Variants in CSMD1 observed in about 807,000 individuals in gnomAD.
CSMD1 encodes the protein CUB and Sushi multiple domains 1.
CSMD1 carries 213 observed loss-of-function variants against 417.5 expected under a neutral mutation model. The ratio of observed to expected loss-of-function variants is 0.51; its 90% CI spans 0.46 to 0.57. The LOEUF is 0.57. Ranked by LOEUF, CSMD1 falls within the 20% of genes least tolerant of loss-of-function variation. CSMD1 has a pLI of 0.00. For synonymous variants in CSMD1, 2,862 were observed against 1,736.8 expected, an observed-to-expected ratio of 1.65 and a Z score of -16.11; for missense variants, 6,923 against 4,529.7, an observed-to-expected ratio of 1.53 and a Z score of -15.17.
intron 5 of CSMD1, among the ~76,000 whole-genome samples, chr8:3,957,941 C>G (rs1812077318): frequency 6.6e-6 from 1 of 152,100 alleles, no homozygotes; most frequent in Admixed American, 6.5e-5. Context: ...GCAGCAAATC[C>G]TGCAGGGTAT....
chr8:4,695,696 AG>A (rs1807083235), intron 1 of CSMD1, among the ~76,000 whole-genome samples: 1 of 152,106 alleles, frequency 6.6e-6, no homozygotes, highest in Non-Finnish European at 1.5e-5. Context: ...TATCACTCAA[AG>A]GTCAGTTTAC....
intron 8 of CSMD1, among the ~76,000 whole-genome samples, chr8:3,600,931 TAG>T (rs1472606454): frequency 6.6e-6 from 1 of 152,182 alleles, no homozygotes; most frequent in African/African-American, 2.4e-5. Context: ...AAAATGTGGA[TAG>T]AGAGGAAGGA....
chr8:3,566,980 G>A (rs1366016598), intron 10 of CSMD1, among the ~76,000 whole-genome samples: 1 of 152,210 alleles, frequency 6.6e-6, no homozygotes, highest in African/African-American at 2.4e-5. Flanking sequence ...GCAGGTATAA[G>A]TTCATTGCAG....
chr8:4,773,564 C>T (rs1335033808), intron 1 of CSMD1, among the ~76,000 whole-genome samples: 3 of 152,184 alleles, frequency 2.0e-5, no homozygotes, highest in Admixed American at 6.5e-5. Context: ...TACTTTCACA[C>T]TGAATCCTCC....
intron 1 of CSMD1, among the ~76,000 whole-genome samples, chr8:4,894,131 G>C (rs1016713290): frequency 2.9e-4 from 44 of 151,886 alleles, no homozygotes; most frequent in Admixed American, 2.4e-3. Context: ...CCATACATTT[G>C]AAAAATTATC....
intron 15 of CSMD1, among the ~76,000 whole-genome samples, chr8:3,404,334 CAAAA>C (rs60637061): frequency 2.0e-3 from 277 of 140,636 alleles, no homozygotes; most frequent in Middle Eastern, 7.4e-3. Flanking sequence ...GACGCTATCT[CAAAA>C]AAAAAAAAAA....
At chr8:4,758,612 A>G (rs1332297981) in intron 1 of CSMD1, among the ~76,000 whole-genome samples, 5 of 152,222 alleles carry the variant, frequency 3.3e-5, no homozygotes, top group African/African-American at 1.2e-4. Flanking sequence ...AAAGATGTTT[A>G]ATTGACTCAG....
chr8:4,375,908 G>T (rs1388157296), intron 3 of CSMD1, among the ~76,000 whole-genome samples: 3 of 152,154 alleles, frequency 2.0e-5, no homozygotes, highest in African/African-American at 7.2e-5. Flanking sequence ...TCAGGATACG[G>T]CCACCACCTC....
chr8:4,284,349 C>A (rs143481374), intron 3 of CSMD1, among the ~76,000 whole-genome samples: 1 of 151,808 alleles, frequency 6.6e-6, no homozygotes, highest in Non-Finnish European at 1.5e-5. Context: ...GCCTGGGGGA[C>A]AAGAGAGAAA....
intron 26 of CSMD1, among the ~76,000 whole-genome samples, chr8:3,267,050 G>C (rs2117125025): frequency 6.6e-6 from 1 of 152,262 alleles, no homozygotes; most frequent in African/African-American, 2.4e-5. Flanking sequence ...AGAGACTTGA[G>C]CATATTTACA....
chr8:3,411,471 G>C (rs1313851355), intron 12 of CSMD1, among the ~76,000 whole-genome samples: 1 of 151,750 alleles, frequency 6.6e-6, no homozygotes, highest in East Asian at 2.0e-4. Context: ...GAGTCCCCAA[G>C]GTCCATTTTA....
chr8:4,812,786 T>C (rs1220751183), intron 1 of CSMD1, among the ~76,000 whole-genome samples: 1 of 152,242 alleles, frequency 6.6e-6, no homozygotes, highest in African/African-American at 2.4e-5. Context: ...TGCATTTTTG[T>C]AGATGCTCTT....
At chr8:4,405,161 G>A (rs1332282335) in intron 3 of CSMD1, among the ~76,000 whole-genome samples, 1 of 152,072 alleles carries the variant, frequency 6.6e-6, no homozygotes, top group African/African-American at 2.4e-5. Flanking sequence ...CTTACTTCCT[G>A]GAATCCACCA....
intron 25 of CSMD1, chr8:3,284,583 G>GCTGAGCTAGCAGCTC (rs1482940287): frequency 8.7e-5 from 45 of 519,246 alleles, no homozygotes; most frequent in Non-Finnish European, 4.2e-5. Flanking sequence ...AGAGATAGGT[G>GCTGAGCTAGCAGCTC]AGCTAGATGC....
At chr8:3,614,703 A>G (rs1802052343) in intron 8 of CSMD1, among the ~76,000 whole-genome samples, 1 of 152,240 alleles carries the variant, frequency 6.6e-6, no homozygotes, top group Admixed American at 6.5e-5. Flanking sequence ...ATGACAGGAT[A>G]CAAGATGGGC....
At position 4,655,223 on chromosome 8, in the gene CSMD1, G is replaced by A. The variant is rs147102422; in HGVS notation, c.86-17665C>T. 1.8e-3 allele frequency among the ~76,000 whole-genome samples: 281 copies of A among 151,948 alleles called. 2 individuals are homozygous for A. Among genetic ancestry groups the A allele is most frequent in the African/African-American group, 6.6e-3 (273 of 41,380 alleles). On this transcript the variant is annotated intron_variant, in intron 1 of 69. Coordinates refer to ENST00000635120, the MANE Select transcript of CSMD1 (RefSeq NM_033225.6). The stretch of plus-strand genomic sequence containing the variant: ...TCATGAACTTCGTTTCCTTCTACCT[G>A]CAAATCTTACCTTGGTTGCTAAAAT...
intron 21 of CSMD1, among the ~76,000 whole-genome samples, chr8:3,358,324 A>G (rs1391373494): frequency 6.6e-6 from 1 of 152,158 alleles, no homozygotes; most frequent in Admixed American, 6.5e-5. Context: ...TGTAACTTTA[A>G]AGAACAATTT....
intron 5 of CSMD1, among the ~76,000 whole-genome samples, chr8:3,787,218 G>A (rs1217233515): frequency 1.3e-5 from 2 of 152,006 alleles, no homozygotes; most frequent in Non-Finnish European, 2.9e-5. Flanking sequence ...CTATGCTGAG[G>A]AAAATGAAAA....
intron 2 of CSMD1, among the ~76,000 whole-genome samples, chr8:4,522,957 A>AAATGG (rs1385821698): frequency 6.6e-6 from 1 of 152,210 alleles, no homozygotes; most frequent in Non-Finnish European, 1.5e-5. Flanking sequence ...AAGAACCTGG[A>AAATGG]AATGGAAAAG....
Sources: gnomAD v4.1 joint callset for allele counts (sites outside exome capture counted in the v4.1 genomes callset) on GRCh38, gnomAD v4.1.1 for gene constraint, MANE v1.5 for transcripts, NCBI Gene and HGNC (gene_info 2026-07-23, HGNC 2026-07-21) for gene names.